Variants in HSPA4L observed in about 807,000 individuals in gnomAD.
HSPA4L encodes heat shock 70 kDa protein 4L.
In HSPA4L, 48 loss-of-function variants were observed where a neutral mutation model predicts 100.3. The ratio of observed to expected loss-of-function variants is 0.48; its 90% CI spans 0.38 to 0.61. The LOEUF (loss-of-function observed/expected upper bound fraction) is 0.61. Ranked by LOEUF, HSPA4L falls within the 20% of genes least tolerant of loss-of-function variation. The pLI, the probability that HSPA4L is intolerant of heterozygous loss-of-function variation, is 0.00. For missense variants in HSPA4L, 886 were observed against 988.6 expected (o/e 0.90, Z 1.39); for synonymous variants, 319 against 328.2 (o/e 0.97, Z 0.30).
intron 1 of HSPA4L, among the ~76,000 whole-genome samples, 184 bp downstream of exon 1, chr4:127,782,841 C>A (rs964679432): frequency 1.3e-5 from 2 of 152,090 alleles, no homozygotes; most frequent in Non-Finnish European, 2.9e-5. Flanking sequence ...GACTTCCTCG[C>A]CCCGCAAAGC....
intron 1 of HSPA4L, among the ~76,000 whole-genome samples, chr4:127,787,178 C>A (rs1475246311): frequency 1.3e-5 from 2 of 152,080 alleles, no homozygotes; most frequent in Middle Eastern, 3.2e-3. Flanking sequence ...ATGAGTGAGA[C>A]CCCTCTTAAA....
chr4:127,789,424 A>T (rs568109412), intron 1 of HSPA4L, among the ~76,000 whole-genome samples: 8 of 152,316 alleles, frequency 5.3e-5, no homozygotes, highest in Non-Finnish European at 1.2e-4. Context: ...AGGCGGGCAG[A>T]TCACAAGGTC....
intron 1 of HSPA4L, among the ~76,000 whole-genome samples, chr4:127,788,336 A>G (rs903931964): frequency 6.6e-6 from 1 of 152,226 alleles, no homozygotes; most frequent in Non-Finnish European, 1.5e-5. Context: ...ACTAAATCAT[A>G]TGTGCCCAGA....
chr4:127,791,132 C>T (rs548786380), intron 1 of HSPA4L, among the ~76,000 whole-genome samples: 2 of 151,770 alleles, frequency 1.3e-5, no homozygotes, highest in African/African-American at 4.8e-5. Context: ...ATTAAAAAGG[C>T]AAAATGAAGC....
chr4:127,822,445 A>T (rs1322903686), intron 14 of HSPA4L, among the ~76,000 whole-genome samples: 1 of 152,044 alleles, frequency 6.6e-6, no homozygotes, highest in Non-Finnish European at 1.5e-5. Context: ...CTTTTTGGCT[A>T]TTGTGAATAA....
rs765625630 is a variant in HSPA4L at position 127,805,074 on chromosome 4, C to G, written c.987C>G (p.Asn329Lys). 1.9e-6 allele frequency: 3 copies of G among 1,585,864 alleles called. No individual in the cohort carries two copies. The South Asian group carries it at 3.5e-5, about 19-fold the overall frequency. ...PPLKAVMEQANLQREDISSIE... is the reference protein window; with the variant it reads ...PPLKAVMEQAKLQREDISSIE... ...TTCTCAATTAAAAAAATTTTCCAGACTTACAACGTGAAGACATTAGTAGTA... is the reference window on the plus strand; with the variant it reads ...TTCTCAATTAAAAAAATTTTCCAGAGTTACAACGTGAAGACATTAGTAGTA... The change falls in exon 9 of 19, where the codon AAC becomes AAG. Residue 329 changes from asparagine (N) to lysine (K), a missense_variant and splice_region_variant. Coordinates refer to ENST00000296464, the MANE Select transcript of HSPA4L (RefSeq NM_014278.4).
Position 127,823,643 on chromosome 4 carries a change from C to T in HSPA4L, c.2046+19C>T. On this transcript the variant is annotated intron_variant, in intron 16 of 18. Transcript: ENST00000296464. ...ACTAAAGGTACATTTTTTTAAAGTC[C>T]ATGTTAGTATAAACCAGTAACTTTT... 6.7e-7 allele frequency: 1 copy of T among 1,488,160 alleles called. No individual in the cohort carries two copies. Among genetic ancestry groups the T allele is most frequent in the Non-Finnish European group, 9.4e-7 (1 of 1,066,788 alleles). 92.2% of individuals were successfully genotyped at this position (1,488,160 alleles called of 1,614,324 possible). A position where few individuals can be genotyped will look rare whatever the true frequency, so the allele number is the denominator to read the frequency against.
intron 6 of HSPA4L, among the ~76,000 whole-genome samples, chr4:127,802,882 C>T (rs1439378774): frequency 2.0e-5 from 3 of 152,154 alleles, no homozygotes; most frequent in Non-Finnish European, 4.4e-5. Flanking sequence ...CATACTACCA[C>T]CCCACCACCC....
intron 18 of HSPA4L, among the ~76,000 whole-genome samples, chr4:127,831,564 TA>T (rs1000381733): frequency 1.6e-4 from 21 of 133,654 alleles, no homozygotes; most frequent in Non-Finnish European, 2.6e-4. Context: ...ACTAGATCAA[TA>T]AGTTGATGCA....
intron 5 of HSPA4L, 113 bp downstream of exon 5, chr4:127,801,350 G>C (rs574269716): frequency 2.7e-6 from 2 of 740,886 alleles, no homozygotes; most frequent in Admixed American, 6.0e-5. Flanking sequence ...GATTGCTTGA[G>C]CCTGGGAGTT....
chr4:127,809,050 C>T (rs1398373930), intron 11 of HSPA4L: 11 of 514,152 alleles, frequency 2.1e-5, no homozygotes, highest in Non-Finnish European at 3.5e-5. Flanking sequence ...ATGACTATTA[C>T]TGGATTAATA....
At chr4:127,782,241 G>T (rs115971854), upstream of HSPA4L, 1 of 401,048 alleles carries the variant, frequency 2.5e-6, no homozygotes, top group African/African-American at 2.2e-5. Context: ...CGGGCGCGGA[G>T]CGGAGGCTCG....
intron 4 of HSPA4L, 83 bp downstream of exon 4, chr4:127,798,792 A>C: frequency 7.4e-7 from 1 of 1,346,938 alleles, no homozygotes; most frequent in South Asian, 1.4e-5. Flanking sequence ...TTCTTCCCTT[A>C]CACTTTCTGC....
At position 127,839,710 on chromosome 4, in the gene HSPA4L, T is replaced by G. The variant is rs1385570161; in HGVS notation, c.*6836T>G. ...ACTCTGTCTCAAAAAAAAAAAAAAG[T>G]GTAATTAGAAATGGAAATCTAGGTA... is the stretch of plus-strand genomic sequence containing the variant. On this transcript the variant is annotated 3_prime_UTR_variant, in exon 19 of 19. Transcript: ENST00000296464. 1.4e-5 allele frequency: 2 copies of G among 147,712 alleles called. No homozygotes were observed. Among genetic ancestry groups the G allele is most frequent in the Non-Finnish European group, 1.5e-5 (1 of 66,712 alleles). The allele number at this position is 147,712 out of a possible 1,614,324, so 9.2% of individuals were successfully genotyped here. A position where few individuals can be genotyped will look rare whatever the true frequency, so the allele number is the denominator to read the frequency against.
chr4:127,830,614 G>T, intron 17 of HSPA4L, 24 bp from the exon 18 acceptor site: 1 of 1,545,148 alleles, frequency 6.5e-7, no homozygotes, highest in Non-Finnish European at 8.7e-7. Flanking sequence ...TTAACATGCA[G>T]TCAAGCTTTT....
intron 3 of HSPA4L, 38 bp downstream of exon 3, chr4:127,795,946 A>T (rs1167676129): frequency 1.9e-6 from 3 of 1,598,514 alleles, no homozygotes; most frequent in Middle Eastern, 1.7e-4. Flanking sequence ...ACATATCTTC[A>T]AATTAAGTAA....
chr4:127,814,969 A>G (rs1037567637), intron 12 of HSPA4L, among the ~76,000 whole-genome samples: 1 of 152,198 alleles, frequency 6.6e-6, no homozygotes, highest in African/African-American at 2.4e-5. Context: ...TTCCCCTCAA[A>G]AAAGTGAACC....
intron 1 of HSPA4L, among the ~76,000 whole-genome samples, chr4:127,790,906 C>G (rs1372371371): frequency 6.6e-6 from 1 of 152,168 alleles, no homozygotes; most frequent in Admixed American, 6.6e-5. Flanking sequence ...AGGTGGATCA[C>G]TTGAGCCTAG....
intron 12 of HSPA4L, among the ~76,000 whole-genome samples, chr4:127,812,003 ACATTCTT>A (rs1179110325): frequency 6.6e-6 from 1 of 152,176 alleles, no homozygotes; most frequent in Non-Finnish European, 1.5e-5. Flanking sequence ...TTTGAACTAT[ACATTCTT>A]TTTAGATTGA....
Sources: gnomAD v4.1 joint callset for allele counts (sites outside exome capture counted in the v4.1 genomes callset) on GRCh38, gnomAD v4.1.1 for gene constraint, MANE v1.5 for transcripts, NCBI Gene and HGNC (gene_info 2026-07-23, HGNC 2026-07-21) for gene names.